Variants in TAF1B observed in about 807,000 individuals in gnomAD.
TAF1B encodes TATA box-binding protein-associated factor RNA polymerase I subunit B.
A neutral mutation model predicts 83.9 loss-of-function variants in TAF1B; 61 were observed. The ratio of observed to expected loss-of-function variants is 0.73; its 90% CI spans 0.59 to 0.90. The LOEUF is 0.90. Ranked by LOEUF, TAF1B falls within the 40% of genes least tolerant of loss-of-function variation. TAF1B has a pLI of 0.00. For missense variants in TAF1B, 625 were observed against 677.0 expected (o/e 0.92, Z 0.85); for synonymous variants, 221 against 224.6 (o/e 0.98, Z 0.14).
At chr2:9,861,702 G>A (rs559012120) in intron 5 of TAF1B, among the ~76,000 whole-genome samples, 1 of 152,318 alleles carries the variant, frequency 6.6e-6, no homozygotes, top group African/African-American at 2.4e-5. Context: ...CCCCCAGTAG[G>A]GGCAGTCTGA....
chr2:9,930,716 T>C (rs1666185761), intron 14 of TAF1B, among the ~76,000 whole-genome samples: 1 of 152,184 alleles, frequency 6.6e-6, no homozygotes, highest in African/African-American at 2.4e-5. Context: ...GTCCTGGATA[T>C]CTATCCTTGT....
intron 8 of TAF1B, among the ~76,000 whole-genome samples, chr2:9,898,572 G>C (rs6742427): frequency 0.37 from 56,875 of 152,090 alleles, 10,968 homozygotes; most frequent in East Asian, 0.53. Context: ...TATGAAAACA[G>C]TGAAAATCAA....
rs1038980838 is a variant in TAF1B, at chr2:9,853,828, C to G, written c.304-498C>G. Among the ~76,000 whole-genome samples the G allele has an allele frequency of 4.6e-5, 7 of 152,110 alleles. 1 individual carries two copies. Among genetic ancestry groups the G allele is most frequent in the Admixed American group, 4.6e-4 (7 of 15,274 alleles). On this transcript the variant is annotated intron_variant, in intron 4 of 14. Coordinates refer to ENST00000263663, the MANE Select transcript of TAF1B (RefSeq NM_005680.3). Reference sequence around the variant, plus strand: ...TAGTAAACCTGGTAACAGCTTTGCCCCTAACTAAAAGTGTAGTCATGTATC... The same window carrying G: ...TAGTAAACCTGGTAACAGCTTTGCCGCTAACTAAAAGTGTAGTCATGTATC...
chr2:9,854,743 TAATG>T (rs1288461599), intron 5 of TAF1B, among the ~76,000 whole-genome samples: 8 of 152,228 alleles, frequency 5.3e-5, no homozygotes, highest in African/African-American at 1.9e-4. Context: ...TTTAATTTAA[TAATG>T]TATTTATTCT....
At chr2:9,868,830 C>G (rs1664079530) in intron 6 of TAF1B, 1 of 370,808 alleles carries the variant, frequency 2.7e-6, no homozygotes, top group Non-Finnish European at 5.3e-6. Flanking sequence ...TAGACTAAAT[C>G]AAGCTGAGTA....
At chr2:9,882,281 A>G (rs1445305291) in intron 7 of TAF1B, among the ~76,000 whole-genome samples, 1 of 151,868 alleles carries the variant, frequency 6.6e-6, no homozygotes, top group African/African-American at 2.4e-5. Context: ...TGTATTTTTA[A>G]TAGAGACGGG....
chr2:9,886,784 C>T (rs1456613124), intron 8 of TAF1B, among the ~76,000 whole-genome samples: 4 of 152,152 alleles, frequency 2.6e-5, no homozygotes, highest in African/African-American at 7.2e-5. Context: ...TTTACATTGC[C>T]GGCCAGGCGC....
intron 12 of TAF1B, among the ~76,000 whole-genome samples, chr2:9,915,908 A>ACTT (rs34162164): frequency 0.42 from 64,415 of 151,912 alleles, 14,651 homozygotes; most frequent in African/African-American, 0.59. Flanking sequence ...AGCAGTACAG[A>ACTT]CTTCTTATGC....
At chr2:9,876,993 G>T (rs1443749671) in intron 7 of TAF1B, among the ~76,000 whole-genome samples, 1 of 152,144 alleles carries the variant, frequency 6.6e-6, no homozygotes. Context: ...TCCAGTAAAT[G>T]ATGATAGTGC....
chr2:9,857,673 T>A (rs941242846), intron 5 of TAF1B, among the ~76,000 whole-genome samples: 1 of 152,146 alleles, frequency 6.6e-6, no homozygotes, highest in East Asian at 1.9e-4. Context: ...CTAGAAAACA[T>A]GTAATCATGG....
chr2:9,845,135 C>G (rs1352403699), intron 1 of TAF1B, 85 bp from the exon 2 acceptor site: 1 of 885,420 alleles, frequency 1.1e-6, no homozygotes, highest in Non-Finnish European at 1.8e-6. Flanking sequence ...TTGCCAGGAA[C>G]CCATTAAATA....
At chr2:9,845,137 C>A in intron 1 of TAF1B, 83 bp from the exon 2 acceptor site, 1 of 927,112 alleles carries the variant, frequency 1.1e-6, no homozygotes. Flanking sequence ...GCCAGGAACC[C>A]ATTAAATAGA....
At chr2:9,875,826 G>T (rs781669639) in intron 6 of TAF1B, 39 bp from the exon 7 acceptor site, 45 of 1,538,476 alleles carry the variant, frequency 2.9e-5, no homozygotes, top group Non-Finnish European at 3.9e-5. Context: ...TATCCAAATA[G>T]TTCACTGGAT....
chr2:9,843,683 C>A, intron 1 of TAF1B, 124 bp downstream of exon 1: 1 of 1,145,150 alleles, frequency 8.7e-7, no homozygotes, highest in Non-Finnish European at 1.2e-6. Flanking sequence ...GAAGGCGGGG[C>A]GGAGGGCTGC....
chr2:9,913,765 A>G (rs1411552354), intron 12 of TAF1B: 1 of 152,728 alleles, frequency 6.5e-6, no homozygotes, highest in African/African-American at 2.4e-5. Context: ...TTGAACTGTC[A>G]TTCTGATGTG....
chr2:9,875,826 G>A, intron 6 of TAF1B, 39 bp from the exon 7 acceptor site: 1 of 1,538,590 alleles, frequency 6.5e-7, no homozygotes, highest in South Asian at 1.2e-5. Context: ...TATCCAAATA[G>A]TTCACTGGAT....
In TAF1B at chr2:9,854,356, T is replaced by A. The variant is rs1410125114; in HGVS notation, c.334T>A (p.Tyr112Asn). ...TGTTTTACATAATTTTTGGAAGCGC[T>A]ACCTTCAGAAGAGCAAGCAGGCATA... ...NDVLHNFWKR[Y>N]LQKSKQAYCK... The change falls in exon 5 of 15, where the codon TAC becomes AAC. Residue 112 changes from tyrosine (Y) to asparagine (N), a missense_variant. Tyr to Asn is a moderately radical substitution (Grantham distance 143). Transcript: ENST00000263663. 1.9e-6 allele frequency: 3 copies of A among 1,614,004 alleles called. No individual in the cohort carries two copies. Among genetic ancestry groups the A allele is most frequent in the Admixed American group, 1.7e-5 (1 of 60,010 alleles).
chr2:9,854,200 A>G, intron 4 of TAF1B, 126 bp from the exon 5 acceptor site: 2 of 688,328 alleles, frequency 2.9e-6, no homozygotes, highest in South Asian at 4.0e-5. Context: ...AATACCACAT[A>G]AAACATTTAC....
chr2:9,900,251 G>T (rs1288900498), intron 8 of TAF1B, among the ~76,000 whole-genome samples: 1 of 152,194 alleles, frequency 6.6e-6, no homozygotes, highest in African/African-American at 2.4e-5. Flanking sequence ...ATCTTACCCT[G>T]GGCTGCATGC....
Sources: gnomAD v4.1 joint callset for allele counts (sites outside exome capture counted in the v4.1 genomes callset) on GRCh38, gnomAD v4.1.1 for gene constraint, MANE v1.5 for transcripts, NCBI Gene and HGNC (gene_info 2026-07-23, HGNC 2026-07-21) for gene names.